LDB3: variants seen among roughly 807,000 people sequenced by gnomAD.
LDB3 encodes LIM domain-binding protein 3.
In LDB3, 49 loss-of-function variants were observed where a neutral mutation model predicts 69.0. That is an observed-to-expected ratio of 0.71 (90% CI 0.56 to 0.90). The LOEUF (loss-of-function observed/expected upper bound fraction) is 0.90. Among genes scored for constraint, LDB3 ranks in the 40% least tolerant of loss-of-function variants. The pLI is 0.00. For missense variants in LDB3, 928 were observed against 974.1 expected, an observed-to-expected ratio of 0.95 and a Z score of 0.63; for synonymous variants, 387 against 396.2, an observed-to-expected ratio of 0.98 and a Z score of 0.28.
At chr10:86,709,347 C>G (rs115464785) in intron 8 of LDB3, among the ~76,000 whole-genome samples, 2,373 of 152,140 alleles carry the variant, frequency 0.016, 42 homozygotes, top group African/African-American at 0.044. Context: ...AGGAGGGCAA[C>G]AGGAACTCTA....
chr10:86,705,527 C>T (rs1191096470), intron 7 of LDB3, among the ~76,000 whole-genome samples: 4 of 152,240 alleles, frequency 2.6e-5, no homozygotes, highest in Non-Finnish European at 5.9e-5. Context: ...CAACCCAGCT[C>T]TGACTGCTCT....
At chr10:86,705,456 G>A (rs1230782605) in intron 7 of LDB3, among the ~76,000 whole-genome samples, 1 of 152,232 alleles carries the variant, frequency 6.6e-6, no homozygotes, top group African/African-American at 2.4e-5. Flanking sequence ...TAAAGAATGT[G>A]CATTTCTTTG....
chr10:86,674,420 C>T (rs1285574919), intron 2 of LDB3, among the ~76,000 whole-genome samples: 1 of 152,202 alleles, frequency 6.6e-6, no homozygotes, highest in East Asian at 1.9e-4. Context: ...CCAGCTCTCC[C>T]TGGGCTGCCC....
chr10:86,726,426 A>G (rs1247744009), intron 13 of LDB3, 174 bp downstream of exon 13: 6 of 649,842 alleles, frequency 9.2e-6, no homozygotes, highest in Non-Finnish European at 1.1e-5. Context: ...ACAAAGTTTC[A>G]TTCCTAATAA....
At chr10:86,728,674 C>T (rs1847356263) in intron 13 of LDB3, among the ~76,000 whole-genome samples, 1 of 149,958 alleles carries the variant, frequency 6.7e-6, no homozygotes, top group African/African-American at 2.4e-5. Flanking sequence ...CCTCCACCTC[C>T]CAGGTTCAAG....
chr10:86,676,076 A>G (rs926933217), intron 2 of LDB3, among the ~76,000 whole-genome samples: 4 of 152,236 alleles, frequency 2.6e-5, no homozygotes, highest in African/African-American at 9.6e-5. Flanking sequence ...GGTAAGGGCT[A>G]TGTGTATTTT....
Position 86,685,777 on chromosome 10 carries a change from A to T in LDB3, c.689+3974A>T, listed in dbSNP as rs1845434249. The stretch of plus-strand genomic sequence containing the variant: ...GTGTCTGCGTGTGTCTGGCGTGGAT[A>T]GAGTGTGCCTGCTGGCATGTGTACA... On this transcript the variant is annotated intron_variant, in intron 5 of 13. Transcript: ENST00000361373. 2.0e-6 allele frequency: 3 copies of T among 1,524,574 alleles called. No homozygotes were observed. In the African/African-American group the frequency reaches 4.1e-5, roughly 21 times the overall value. The allele number at this position is 1,524,574 out of a possible 1,614,324, so 94.4% of individuals were successfully genotyped here. A position where few individuals can be genotyped will look rare whatever the true frequency, so the allele number is the denominator to read the frequency against.
intron 12 of LDB3, among the ~76,000 whole-genome samples, chr10:86,720,716 C>T (rs1011179945): frequency 1.3e-5 from 2 of 152,076 alleles, no homozygotes; most frequent in South Asian, 2.1e-4. Context: ...TGAGATAAGC[C>T]GCAATTTGTG....
chr10:86,722,166 G>T (rs377153839), intron 12 of LDB3, among the ~76,000 whole-genome samples: 1 of 152,196 alleles, frequency 6.6e-6, no homozygotes, highest in Non-Finnish European at 1.5e-5. Context: ...AAAACAAAGC[G>T]ATAATTCTCC....
chr10:86,690,556 C>T (rs1845708470), intron 5 of LDB3, among the ~76,000 whole-genome samples: 1 of 152,266 alleles, frequency 6.6e-6, no homozygotes, highest in South Asian at 2.1e-4. Flanking sequence ...CCTTTCCCCA[C>T]CTCTGCTCTT....
chr10:86,720,437 C>A (rs1299044972), intron 12 of LDB3, among the ~76,000 whole-genome samples: 1 of 130,692 alleles, frequency 7.7e-6, no homozygotes, highest in African/African-American at 3.4e-5. Flanking sequence ...CAGTAAGACT[C>A]CATCTGAAAA....
intron 5 of LDB3, 124 bp from the exon 6 acceptor site, chr10:86,691,772 A>G: frequency 9.0e-7 from 1 of 1,108,848 alleles, no homozygotes; most frequent in Non-Finnish European, 1.4e-6. Flanking sequence ...CTCAGACAGC[A>G]ATGGATAAAG....
Position 86,699,487 on chromosome 10 carries a change from G to T in LDB3, c.896+6916G>T. On this transcript the variant is annotated intron_variant, in intron 7 of 13. Transcript: ENST00000361373. This position sits in a 1 kb window ranked among gnomAD's most constrained non-coding sequence, Gnocchi z 4.9. ...ATGCTTGACAATGTATAACTCTGCT[G>T]GGGGCACCTCTGATGGCCAACCGCA... 1 of 1,561,118 alleles carries T rather than the reference G, an allele frequency of 6.4e-7. No homozygotes were observed. The highest frequency in any genetic ancestry group is 2.3e-5 in the East Asian group (1 of 43,024).
At position 86,716,749 on chromosome 10, in the gene LDB3, G is replaced by C. The variant is rs771007816; in HGVS notation, c.1654G>C (p.Gly552Arg). 1.2e-6 allele frequency: 2 copies of C among 1,611,558 alleles called. No homozygotes were observed. The highest frequency in any genetic ancestry group is 1.7e-6 in the Non-Finnish European group (2 of 1,179,176). The change falls in exon 10 of 14, where the codon GGT becomes CGT. Residue 552 changes from glycine to arginine, a missense_variant. Gly to Arg is a moderately radical substitution (Grantham distance 125). Coordinates refer to ENST00000361373, the MANE Select transcript of LDB3 (RefSeq NM_007078.3). Reference protein sequence around the residue: ...FPASSRTPLCGHCNNVIRGPF... With the variant: ...FPASSRTPLCRHCNNVIRGPF... ...AGCCAGCAGCCGGACTCCACTCTGC[G>C]GTCACTGCAACAATGTCATCCGGTA...
chr10:86,678,172 C>T (rs569127171), intron 2 of LDB3, among the ~76,000 whole-genome samples: 12 of 151,932 alleles, frequency 7.9e-5, no homozygotes, highest in African/African-American at 2.2e-4. Context: ...TTCAGCCTCC[C>T]GAGTAGCTGA....
intron 6 of LDB3, 115 bp from the exon 7 acceptor site, chr10:86,692,420 G>A: frequency 9.7e-7 from 1 of 1,034,824 alleles, no homozygotes; most frequent in Non-Finnish European, 1.5e-6. Flanking sequence ...AGGCAAGGGG[G>A]CAGTCACCGT....
intron 5 of LDB3, chr10:86,685,785 C>T (rs1236176893): frequency 6.8e-6 from 10 of 1,480,816 alleles, no homozygotes; most frequent in African/African-American, 4.2e-5. Flanking sequence ...ATAGAGTGTG[C>T]CTGCTGGCAT....
At position 86,734,481 on chromosome 10, in the gene LDB3, G is replaced by A. The variant is rs750484461; in HGVS notation, c.*1505G>A. ...GTTTCTCACTTGAGCACGATATTTA[G>A]GCTCTCTTCCAACTCACTCTATTCT... On this transcript the variant is annotated 3_prime_UTR_variant, in exon 14 of 14. Transcript: ENST00000361373. The A allele has an allele frequency of 3.3e-5, 5 of 152,208 alleles. No homozygotes were observed. Among genetic ancestry groups the A allele is most frequent in the Non-Finnish European group, 5.9e-5 (4 of 68,028 alleles). The allele number at this position is 152,208 out of a possible 1,614,324, so 9.4% of individuals were successfully genotyped here.
At chr10:86,698,754 C>T (rs553434288) in intron 7 of LDB3, among the ~76,000 whole-genome samples, 83 of 152,226 alleles carry the variant, frequency 5.5e-4, no homozygotes, top group Non-Finnish European at 1.0e-3. Context: ...TGAGGCTTTT[C>T]GAGGCCAGGG....
Sources: allele counts gnomAD v4.1 joint callset (sites outside exome capture counted in the v4.1 genomes callset), GRCh38; gene constraint gnomAD v4.1.1; non-coding constraint Gnocchi (gnomAD v3.1); transcripts MANE v1.5; gene names NCBI Gene and HGNC (gene_info 2026-07-23, HGNC 2026-07-21).